The following MSI2 variants were observed in gnomAD, a reference collection of about 807,000 sequenced individuals.
MSI2 encodes the protein RNA-binding protein Musashi homolog 2.
A neutral mutation model predicts 45.6 loss-of-function variants in MSI2; 17 were observed. The observed-to-expected ratio is 0.37, with a 90% CI of 0.26 to 0.56. The LOEUF (loss-of-function observed/expected upper bound fraction) is 0.56, where lower values mean the gene tolerates loss of function less well. Among genes scored for constraint, MSI2 ranks in the 20% least tolerant of loss-of-function variants. The pLI, the probability that MSI2 is intolerant of heterozygous loss-of-function variation, is 0.77. For synonymous variants in MSI2, 156 were observed against 158.2 expected (o/e 0.99, Z 0.11); for missense variants, 293 against 444.2 (o/e 0.66, Z 3.06).
At chr17:57,644,956 GTC>G (rs1291569686) in intron 10 of MSI2, among the ~76,000 whole-genome samples, 1 of 152,152 alleles carries the variant, frequency 6.6e-6, no homozygotes, top group East Asian at 1.9e-4. Context: ...ACCCCAGGCA[GTC>G]CACTCCCAGA....
intron 5 of MSI2, chr17:57,266,440 C>A (rs1268474994): frequency 2.0e-5 from 3 of 152,196 alleles, no homozygotes; most frequent in South Asian, 2.1e-4. Flanking sequence ...TGGCTCACTG[C>A]AACCTCCGCC....
chr17:57,613,400 C>T (rs889328907), intron 8 of MSI2, among the ~76,000 whole-genome samples: 3 of 152,148 alleles, frequency 2.0e-5, no homozygotes, highest in African/African-American at 4.8e-5. Context: ...TATCAACACA[C>T]TTTTTCATAG....
chr17:57,427,534 A>T (rs1426439549), intron 6 of MSI2, among the ~76,000 whole-genome samples: 1 of 152,210 alleles, frequency 6.6e-6, no homozygotes, highest in Non-Finnish European at 1.5e-5. Context: ...TCTCCCGCTG[A>T]TGAATGAAAT....
the MSI2 span, among the ~76,000 whole-genome samples, chr17:57,690,671 A>G: frequency 2.0e-5 from 3 of 152,176 alleles, no homozygotes; most frequent in Non-Finnish European, 2.9e-5. Flanking sequence ...TTAAGAGTAT[A>G]TATTCTGAAT....
intron 6 of MSI2, among the ~76,000 whole-genome samples, chr17:57,481,548 G>A (rs966396903): frequency 2.6e-5 from 4 of 152,190 alleles, no homozygotes; most frequent in Admixed American, 2.0e-4. Context: ...TTTTTAAAGT[G>A]ACAATTGGTA....
At chr17:57,375,664 T>C (rs2083483676) in intron 5 of MSI2, among the ~76,000 whole-genome samples, 1 of 152,170 alleles carries the variant, frequency 6.6e-6, no homozygotes, top group Non-Finnish European at 1.5e-5. Context: ...TCAGGCAGTG[T>C]TATTAAGGCC....
intron 7 of MSI2, among the ~76,000 whole-genome samples, chr17:57,585,203 T>C (rs1217277306): frequency 1.3e-5 from 2 of 152,194 alleles, no homozygotes; most frequent in Non-Finnish European, 2.9e-5. Context: ...CTGAATCTTA[T>C]CCCATCATGA....
At chr17:57,491,562 G>T (rs985299664) in intron 6 of MSI2, among the ~76,000 whole-genome samples, 1 of 152,230 alleles carries the variant, frequency 6.6e-6, no homozygotes, top group Non-Finnish European at 1.5e-5. Context: ...TGCAGCCAGA[G>T]GGTCTTGGCC....
At chr17:57,317,591 G>A (rs893916345) in intron 5 of MSI2, among the ~76,000 whole-genome samples, 3 of 142,498 alleles carry the variant, frequency 2.1e-5, no homozygotes, top group African/African-American at 7.9e-5. Context: ...GCTCACTGTA[G>A]CCTACACCTC....
intron 5 of MSI2, among the ~76,000 whole-genome samples, chr17:57,353,735 G>A (rs1056298304): frequency 1.1e-4 from 16 of 152,202 alleles, no homozygotes; most frequent in Non-Finnish European, 2.2e-4. Context: ...AGAACATTAA[G>A]AGTATTCGAA....
intron 5 of MSI2, among the ~76,000 whole-genome samples, chr17:57,271,135 C>T (rs544430917): frequency 2.2e-4 from 33 of 152,180 alleles, no homozygotes; most frequent in African/African-American, 5.8e-4. Flanking sequence ...TTTATCTGCC[C>T]GGGGGTAGCT....
At chr17:57,339,125 TA>T (rs1490889198) in intron 5 of MSI2, among the ~76,000 whole-genome samples, 5 of 152,152 alleles carry the variant, frequency 3.3e-5, no homozygotes, top group Non-Finnish European at 5.9e-5. Flanking sequence ...ACAAATGGCA[TA>T]AATGCAGATT....
chr17:57,462,791 T>C (rs961946614), intron 6 of MSI2, among the ~76,000 whole-genome samples: 8 of 152,230 alleles, frequency 5.3e-5, no homozygotes, highest in Non-Finnish European at 8.8e-5. Flanking sequence ...GTCTGTAATG[T>C]GGCAGAGGCC....
At position 57,442,197 on chromosome 17, in the gene MSI2, C is replaced by T. The variant is rs549557515; in HGVS notation, c.405+40726C>T. 9.2e-5 allele frequency among the ~76,000 whole-genome samples: 14 copies of T among 151,956 alleles called. No individual in the cohort carries two copies. In the South Asian group the frequency reaches 1.0e-3, roughly 11 times the overall value. ...GACTACAGGCGCGTGCCACCACGCC[C>T]GGCTAATTTTTGTATTTTTAGTTGA... On this transcript the variant is annotated intron_variant, in intron 6 of 13. Coordinates refer to ENST00000284073, the MANE Select transcript of MSI2 (RefSeq NM_138962.4).
chr17:57,468,396 C>G (rs1156631729), intron 6 of MSI2, among the ~76,000 whole-genome samples: 8 of 151,616 alleles, frequency 5.3e-5, no homozygotes, highest in Admixed American at 5.3e-4. Context: ...TGGCGGGCGC[C>G]TGTAGTCCCA....
At chr17:57,335,802 G>T (rs1313840798) in intron 5 of MSI2, among the ~76,000 whole-genome samples, 2 of 152,224 alleles carry the variant, frequency 1.3e-5, no homozygotes, top group East Asian at 3.9e-4. Context: ...CAGTGCTCCA[G>T]GTTGGGAGCA....
At chr17:57,577,183 G>C (rs922391079) in intron 7 of MSI2, among the ~76,000 whole-genome samples, 2 of 152,232 alleles carry the variant, frequency 1.3e-5, no homozygotes, top group African/African-American at 4.8e-5. Flanking sequence ...CCCCAACCAT[G>C]AGTGGCCGTT....
intron 7 of MSI2, among the ~76,000 whole-genome samples, chr17:57,578,743 G>A (rs188056312): frequency 3.3e-5 from 5 of 152,208 alleles, no homozygotes; most frequent in East Asian, 3.9e-4. Flanking sequence ...GCTACTTGGC[G>A]CAAAACCAAT....
chr17:57,293,595 G>GTTTTTTTTTTTTTTTTTTTTTTTTTTTTT (rs71139983), intron 5 of MSI2, among the ~76,000 whole-genome samples: 1 of 134,722 alleles, frequency 7.4e-6, no homozygotes, highest in Non-Finnish European at 1.5e-5. Flanking sequence ...TTGTTTTTTT[G>GTTTTTTTTTTTTTTTTTTTTTTTTTTTTT]TTTTTTTTTT....
Sources: allele counts gnomAD v4.1 joint callset (sites outside exome capture counted in the v4.1 genomes callset), GRCh38; gene constraint gnomAD v4.1.1; transcripts MANE v1.5; gene names NCBI Gene and HGNC (gene_info 2026-07-23, HGNC 2026-07-21).